The following LARGE1 variants were observed in gnomAD, a reference collection of about 807,000 sequenced individuals.
LARGE1 encodes LARGE xylosyl- and glucuronyltransferase 1.
Under a neutral mutation model 87.6 loss-of-function variants are expected in LARGE1, and 43 were observed. That is an observed-to-expected ratio of 0.49 (90% CI 0.38 to 0.63). LARGE1 has a LOEUF of 0.63. Among genes scored for constraint, LARGE1 ranks in the 30% least tolerant of loss-of-function variants. LARGE1 has a pLI of 0.00. For synonymous variants in LARGE1, 434 were observed against 394.6 expected, an observed-to-expected ratio of 1.10 and a Z score of -1.18; for missense variants, 802 against 1,000.2, an observed-to-expected ratio of 0.80 and a Z score of 2.67.
chr22:33,429,423 C>T (rs140814317), intron 7 of LARGE1, among the ~76,000 whole-genome samples: 22 of 152,242 alleles, frequency 1.4e-4, no homozygotes, highest in African/African-American at 4.6e-4. Context: ...ACAAATCAAG[C>T]GGGAACTGGA....
At chr22:33,833,096 C>G (rs1473230407) in intron 1 of LARGE1, among the ~76,000 whole-genome samples, 2 of 152,144 alleles carry the variant, frequency 1.3e-5, no homozygotes, top group Non-Finnish European at 2.9e-5. Flanking sequence ...ACTGTGCTCA[C>G]CAAGCAGATG....
At chr22:33,608,266 T>G (rs1009213590) in intron 4 of LARGE1, among the ~76,000 whole-genome samples, 1 of 152,214 alleles carries the variant, frequency 6.6e-6, no homozygotes, top group Admixed American at 6.5e-5. Flanking sequence ...TGGACCAAGC[T>G]TCTTATATTT....
chr22:33,382,239 C>T lies in LARGE1; in HGVS notation c.1006-195G>A, dbSNP rs16992223. ...CCAAGCAATAATGTTTGGATAGAGA[C>T]GGGGGAATGTCCCAGGCTGACTGGA... On this transcript the variant is annotated intron_variant, in intron 8 of 14. Transcript: ENST00000397394. 0.093 allele frequency among the ~76,000 whole-genome samples: 14,200 copies of T among 152,124 alleles called. 1,079 individuals are homozygous for T. The highest frequency in any genetic ancestry group is 0.21 in the African/African-American group (8,818 of 41,464).
intron 5 of LARGE1, among the ~76,000 whole-genome samples, chr22:33,581,871 A>C (rs1413451285): frequency 6.6e-6 from 1 of 152,104 alleles, no homozygotes; most frequent in Non-Finnish European, 1.5e-5. Flanking sequence ...GAAAGAGAGT[A>C]ATGAATGGAC....
At chr22:33,506,844 T>C (rs2070787812) in intron 6 of LARGE1, among the ~76,000 whole-genome samples, 1 of 152,100 alleles carries the variant, frequency 6.6e-6, no homozygotes, top group African/African-American at 2.4e-5. Context: ...GAGGTTGCAG[T>C]GAGCCGAGAT....
intron 11 of LARGE1, among the ~76,000 whole-genome samples, chr22:33,181,030 T>A (rs1387623841): frequency 1.3e-5 from 2 of 152,174 alleles, no homozygotes; most frequent in Non-Finnish European, 2.9e-5. Flanking sequence ...TAAAAACCAT[T>A]GAGCTGCACA....
rs1304691630 is a variant in LARGE1 at position 33,278,553 on chromosome 22, T to TCTCACACACA, written c.1878-1299_1878-1298insTGTGTGTGAG. 3.8e-3 allele frequency among the ~76,000 whole-genome samples: 567 copies of TCTCACACACA among 148,768 alleles called. 1 individual carries two copies. Among genetic ancestry groups the TCTCACACACA allele is most frequent in the African/African-American group, 5.5e-3 (221 of 40,060 alleles). On this transcript the variant is annotated intron_variant, in intron 13 of 14. Transcript: ENST00000397394. ...TGGGACTATTTTAAATCTCTCTCTC[T>TCTCACACACA]CACACACACACACACACACACACAC...
intron 7 of LARGE1, among the ~76,000 whole-genome samples, chr22:33,392,735 C>T (rs1281298330): frequency 6.6e-6 from 1 of 152,102 alleles, no homozygotes; most frequent in Non-Finnish European, 1.5e-5. Context: ...ATTTAAATGG[C>T]ATCTGGTACA....
chr22:33,749,631 A>G (rs2084236333), intron 2 of LARGE1, among the ~76,000 whole-genome samples: 1 of 152,154 alleles, frequency 6.6e-6, no homozygotes, highest in African/African-American at 2.4e-5. Context: ...AGCCTAGATG[A>G]CTCCTGATGT....
intron 1 of LARGE1, among the ~76,000 whole-genome samples, chr22:33,821,714 A>G (rs1312824529): frequency 1.4e-5 from 2 of 145,816 alleles, no homozygotes; most frequent in Non-Finnish European, 1.5e-5. Context: ...TATTTTTCCC[A>G]GCAGAAAGGT....
At chr22:33,909,552 T>C (rs1019053132) in intron 1 of LARGE1, among the ~76,000 whole-genome samples, 5 of 152,096 alleles carry the variant, frequency 3.3e-5, no homozygotes, top group Non-Finnish European at 7.4e-5. Context: ...GTTTTTGTTT[T>C]TGAGACGGAG....
chr22:33,169,853 A>T (rs1388651966), intron 11 of LARGE1, among the ~76,000 whole-genome samples: 2 of 152,046 alleles, frequency 1.3e-5, no homozygotes, highest in Admixed American at 1.3e-4. Context: ...TCTCTCTCAA[A>T]AAAGGAAAAA....
intron 7 of LARGE1, among the ~76,000 whole-genome samples, chr22:33,415,460 T>C (rs1348016885): frequency 6.6e-6 from 1 of 152,198 alleles, no homozygotes; most frequent in Non-Finnish European, 1.5e-5. Flanking sequence ...CTGTGAGGGC[T>C]GGTGCTCCAG....
intron 6 of LARGE1, among the ~76,000 whole-genome samples, chr22:33,541,304 C>G (rs1363143886): frequency 6.6e-6 from 1 of 151,158 alleles, no homozygotes; most frequent in African/African-American, 2.4e-5. Context: ...GACTTTTTGA[C>G]TTTTATGTTT....
chr22:33,457,873 G>C (rs1258250320), intron 6 of LARGE1, among the ~76,000 whole-genome samples: 1 of 152,116 alleles, frequency 6.6e-6, no homozygotes, highest in Non-Finnish European at 1.5e-5. Flanking sequence ...GAGAGGCTGT[G>C]TGTGTATATG....
intron 2 of LARGE1, among the ~76,000 whole-genome samples, chr22:33,717,605 G>C (rs994777276): frequency 2.0e-5 from 3 of 152,152 alleles, no homozygotes; most frequent in Admixed American, 6.5e-5. Context: ...GTGGAATCGA[G>C]GGCTTGAAGC....
chr22:33,922,127 C>A (rs571120532), upstream of LARGE1, among the ~76,000 whole-genome samples: 6 of 152,206 alleles, frequency 3.9e-5, no homozygotes, highest in African/African-American at 1.2e-4. Context: ...CGCGCCTCTC[C>A]GCTCTCCAGG....
chr22:33,172,836 C>T (rs2146141873), intron 11 of LARGE1, among the ~76,000 whole-genome samples: 1 of 152,106 alleles, frequency 6.6e-6, no homozygotes, highest in East Asian at 1.9e-4. Flanking sequence ...ATGAACAAAG[C>T]CTCCAAGAAA....
At chr22:33,406,424 AG>A (rs1336845112) in intron 7 of LARGE1, among the ~76,000 whole-genome samples, 1 of 152,076 alleles carries the variant, frequency 6.6e-6, no homozygotes, top group African/African-American at 2.4e-5. Flanking sequence ...CTCCGTCTTG[AG>A]AGCTTGCAGG....
Sources: allele counts gnomAD v4.1 joint callset (sites outside exome capture counted in the v4.1 genomes callset), GRCh38; gene constraint gnomAD v4.1.1; transcripts MANE v1.5; gene names NCBI Gene and HGNC (gene_info 2026-07-23, HGNC 2026-07-21).